PTK6: variants seen among roughly 807,000 people sequenced by gnomAD.
PTK6 encodes protein tyrosine kinase 6.
PTK6 carries 47 observed loss-of-function variants against 47.5 expected under a neutral mutation model. The observed-to-expected ratio is 0.99, with a 90% CI of 0.78 to 1.26. The LOEUF is 1.26. PTK6 is among the 50% of genes most tolerant of loss of function. The pLI is 0.00. For synonymous variants in PTK6, 287 were observed against 276.5 expected, an observed-to-expected ratio of 1.04 and a Z score of -0.38; for missense variants, 618 against 625.3, an observed-to-expected ratio of 0.99 and a Z score of 0.12.
In PTK6 at chr20:63,530,946, C is replaced by A. The variant is rs2082613974; in HGVS notation, c.833-19G>T. 1 of 1,578,436 alleles carries A rather than the reference C, an allele frequency of 6.3e-7. No individual in the cohort carries two copies. Among genetic ancestry groups the A allele is most frequent in the South Asian group, 1.2e-5 (1 of 86,222 alleles). The stretch of plus-strand genomic sequence containing the variant: ...TCAGAGTCTGCAGAGGGGAGTGGAG[C>A]AGAGCCTGGGGTCAGCTGAGCCAGC... On this transcript the variant is annotated intron_variant, in intron 5 of 7. Transcript: ENST00000542869. This position sits in a 1 kb window ranked among gnomAD's most constrained non-coding sequence, Gnocchi z 4.1.
intron 1 of PTK6, among the ~76,000 whole-genome samples, chr20:63,535,475 A>G (rs1408536619): frequency 2.0e-5 from 3 of 151,966 alleles, no homozygotes; most frequent in Non-Finnish European, 4.4e-5. Flanking sequence ...ACACACGCGC[A>G]TGTGTGCTCA....
intron 5 of PTK6, among the ~76,000 whole-genome samples, chr20:63,531,157 C>A (rs914802576): frequency 2.7e-5 from 4 of 150,874 alleles, no homozygotes; most frequent in African/African-American, 4.9e-5. Flanking sequence ...CGTGGTGGCT[C>A]ACGCCTGTAA....
Position 63,537,212 on chromosome 20 carries a change from AGAC to A in PTK6, c.100_102del (p.Val34del). On this transcript the variant is annotated inframe_deletion, in exon 1 of 8. Transcript: ENST00000542869. ...TGCTCCTCCTTCCTGGCCACGTGGA[AGAC>A]GTCCCCCGCGCGGAAGCTCAGCTCC... 1 of 1,612,404 alleles carries A rather than the reference AGAC, an allele frequency of 6.2e-7. No homozygotes were observed. The highest frequency in any genetic ancestry group is 8.5e-7 in the Non-Finnish European group (1 of 1,179,832).
intron 5 of PTK6, 27 bp downstream of exon 5, chr20:63,532,499 G>C (rs1425510583): frequency 6.3e-7 from 1 of 1,586,060 alleles, no homozygotes; most frequent in Non-Finnish European, 8.6e-7. Context: ...GCTGCCTCCA[G>C]CAAGAGCCCC....
Position 63,530,074 on chromosome 20 carries a change from G to C in PTK6, c.1168+4C>G. 6.2e-7 allele frequency: 1 copy of C among 1,613,640 alleles called. No individual in the cohort carries two copies. The highest frequency in any genetic ancestry group is 8.5e-7 in the Non-Finnish European group (1 of 1,179,930). ...TGCCCAGTCAGGGACAGTGGGGACA[G>C]TACCTGGGTAGGGCACCTGACCCCT... On this transcript the variant is annotated splice_donor_region_variant and intron_variant, in intron 7 of 7. Coordinates refer to ENST00000542869, the MANE Select transcript of PTK6 (RefSeq NM_005975.4). The surrounding 1 kb of genome is among the most constrained non-coding windows in gnomAD (Gnocchi z 4.1).
intron 1 of PTK6, among the ~76,000 whole-genome samples, chr20:63,536,619 G>A (rs868122136): frequency 1.1e-4 from 16 of 152,000 alleles, no homozygotes; most frequent in Middle Eastern, 3.2e-3. Context: ...AAGTTTGCCC[G>A]GCAGCCGGCC....
At chr20:63,532,014 G>A (rs1422246496) in intron 5 of PTK6, among the ~76,000 whole-genome samples, 1 of 152,214 alleles carries the variant, frequency 6.6e-6, no homozygotes, top group Non-Finnish European at 1.5e-5. Flanking sequence ...AATCCAAACT[G>A]CGCCTTCACG....
Position 63,537,227 on chromosome 20 carries a change from G to T in PTK6, c.88C>A (p.Arg30Ser). ...GCCACGTGGAAGACGTCCCCCGCGC[G>T]GAAGCTCAGCTCCTCGTCCGTCCGG... is the stretch of plus-strand genomic sequence containing the variant. ...KSRTDEELSF[R>S]AGDVFHVARK... The change falls in exon 1 of 8, where the codon CGC becomes AGC. Residue 30 changes from arginine to serine, a missense_variant. By Grantham distance (110) the Arg-to-Ser change is moderately radical. Transcript: ENST00000542869. The T allele has an allele frequency of 6.2e-7, 1 of 1,612,344 alleles. No homozygotes were observed. Among genetic ancestry groups the T allele is most frequent in the Non-Finnish European group, 8.5e-7 (1 of 1,179,790 alleles).
intron 1 of PTK6, 47 bp from the exon 2 acceptor site, chr20:63,535,106 G>A (rs143776774): frequency 1.3e-5 from 20 of 1,546,580 alleles, no homozygotes; most frequent in African/African-American, 1.2e-4. Flanking sequence ...CCCACCCCAC[G>A]TGGACCCCAC....
chr20:63,533,380 A>G lies in PTK6; in HGVS notation c.670+171T>C, dbSNP rs2082640404. On this transcript the variant is annotated intron_variant, in intron 4 of 7. Coordinates refer to ENST00000542869, the MANE Select transcript of PTK6 (RefSeq NM_005975.4). This position sits in a 1 kb window ranked among gnomAD's most constrained non-coding sequence, Gnocchi z 4.0. ...CGTGCCCGGCCTAAAATTTTCTTTT[A>G]TAATAAATGTATTTAGGTAAAAACA... 6.6e-6 allele frequency among the ~76,000 whole-genome samples: 1 copy of G among 152,108 alleles called. No individual in the cohort carries two copies. Among genetic ancestry groups the G allele is most frequent in the Non-Finnish European group, 1.5e-5 (1 of 68,022 alleles).
chr20:63,532,327 CTGTGTGCATGTGTGTGTGCA>C (rs2082629643), intron 5 of PTK6, among the ~76,000 whole-genome samples, 179 bp downstream of exon 5: 1 of 143,306 alleles, frequency 7.0e-6, no homozygotes, highest in Admixed American at 7.1e-5. Context: ...ATGTGTATGT[CTGTGTGCATGTGTGTGTGCA>C]TGTGTGTCTG....
rs200055159 is a variant in PTK6 at position 63,530,158 on chromosome 20, T to C, written c.1088A>G (p.His363Arg). 1.4e-4 allele frequency: 225 copies of C among 1,614,116 alleles called. 1 individual carries two copies. The East Asian group carries it at 4.8e-3, about 35-fold the overall frequency. ...CCAGACGTCGGATTTGGTGGAGTAA[T>C]GGCCTCGGGAGAGCGCTTCAGGGGC... ...WTAPEALSRGHYSTKSDVWSF... is the reference protein window; with the variant it reads ...WTAPEALSRGRYSTKSDVWSF... The change falls in exon 7 of 8, where the codon CAT becomes CGT. Residue 363 changes from histidine (H) to arginine (R), a missense_variant. Coordinates refer to ENST00000542869, the MANE Select transcript of PTK6 (RefSeq NM_005975.4). The surrounding 1 kb of genome is among the most constrained non-coding windows in gnomAD (Gnocchi z 4.1).
chr20:63,532,806 C>G (rs1345766050), intron 4 of PTK6, 119 bp from the exon 5 acceptor site: 1 of 1,318,576 alleles, frequency 7.6e-7, no homozygotes, highest in Non-Finnish European at 1.0e-6. Context: ...GCAGGACACA[C>G]AGACCTCCTG....
chr20:63,531,441 T>A (rs9679908), intron 5 of PTK6, among the ~76,000 whole-genome samples: 22,411 of 61,608 alleles, frequency 0.36, 4,337 homozygotes, highest in East Asian at 0.75. Flanking sequence ...AAAAAAAATA[T>A]ATATATATAT....
intron 5 of PTK6, among the ~76,000 whole-genome samples, chr20:63,531,957 A>T (rs1211085258): frequency 6.6e-6 from 1 of 152,236 alleles, no homozygotes; most frequent in Non-Finnish European, 1.5e-5. Flanking sequence ...TCAGACACAC[A>T]CGGCATTTTT....
At position 63,529,641 on chromosome 20, in the gene PTK6, G is replaced by A. The variant is rs745528047; in HGVS notation, c.1251C>T (p.His417=). Reference sequence around the variant, plus strand: ...TGCACCAGCATGTCAGCATCAGCTTGTGCACGCTGGGCGGGCACTCCAGAG... The same window carrying A: ...TGCACCAGCATGTCAGCATCAGCTTATGCACGCTGGGCGGGCACTCCAGAG... The part of the protein sequence containing the change: ...PCPLECPPSV[H]KLMLTCWCRD... The change falls in exon 8 of 8, where the codon CAC becomes CAT. Residue 417 remains histidine, a synonymous_variant. Transcript: ENST00000542869. The surrounding 1 kb of genome is among the most constrained non-coding windows in gnomAD (Gnocchi z 5.6). 1.1e-5 allele frequency: 17 copies of A among 1,549,104 alleles called. No individual in the cohort carries two copies. The South Asian group carries it at 2.0e-4, about 18-fold the overall frequency.
chr20:63,536,631 G>A (rs557854489), intron 1 of PTK6, among the ~76,000 whole-genome samples: 1 of 152,086 alleles, frequency 6.6e-6, no homozygotes, highest in African/African-American at 2.4e-5. Flanking sequence ...CAGCCGGCCC[G>A]CTCCCCTAAC....
Position 63,534,313 on chromosome 20 carries a change from G to A in PTK6, c.355C>T (p.Arg119Trp), listed in dbSNP as rs375933047. ...KPSADYVLSVRDTQAVRHYKI... is the reference protein window; with the variant it reads ...KPSADYVLSVWDTQAVRHYKI... ...TAGTGCCGCACAGCCTGCGTGTCCC[G>A]CACTGGGAGGGAGAGCGTGAGCTGT... The change falls in exon 3 of 8, where the codon CGG becomes TGG. Residue 119 changes from arginine (R) to tryptophan (W), a missense_variant and splice_region_variant. Transcript: ENST00000542869. 2.4e-5 allele frequency: 39 copies of A among 1,598,986 alleles called. No individual in the cohort carries two copies. The highest frequency in any genetic ancestry group is 3.2e-5 in the Non-Finnish European group (38 of 1,175,018).
At position 63,530,100 on chromosome 20, in the gene PTK6, G is replaced by T; in HGVS notation, c.1146C>A (p.Ser382Arg). 6.2e-7 allele frequency: 1 copy of T among 1,614,024 alleles called. No individual in the cohort carries two copies. Among genetic ancestry groups the T allele is most frequent in the Non-Finnish European group, 8.5e-7 (1 of 1,180,024 alleles). ...SFGILLHEMF[S>R]RGQVPYPGMS... ...TACCTGGGTAGGGCACCTGACCCCTGCTGAACATCTCATGCAGGAGAATCC... is the reference window on the plus strand; with the variant it reads ...TACCTGGGTAGGGCACCTGACCCCTTCTGAACATCTCATGCAGGAGAATCC... Residue 382 changes from serine to arginine, a missense_variant, in exon 7 of 8, where the codon AGC (serine) becomes AGA (arginine). By Grantham distance (110) the Ser-to-Arg change is moderately radical. Coordinates refer to ENST00000542869, the MANE Select transcript of PTK6 (RefSeq NM_005975.4). The surrounding 1 kb of genome is among the most constrained non-coding windows in gnomAD (Gnocchi z 4.1).
Sources: allele counts gnomAD v4.1 joint callset (sites outside exome capture counted in the v4.1 genomes callset), GRCh38; gene constraint gnomAD v4.1.1; non-coding constraint Gnocchi (gnomAD v3.1); transcripts MANE v1.5; gene names NCBI Gene and HGNC (gene_info 2026-07-23, HGNC 2026-07-21).